Variants in PLA2G12B observed in about 807,000 individuals in gnomAD.
PLA2G12B encodes the protein phospholipase A2 group XIIB.
PLA2G12B carries 19 observed loss-of-function variants against 22.3 expected under a neutral mutation model. The ratio of observed to expected loss-of-function variants is 0.85; its 90% confidence interval spans 0.60 to 1.25. The LOEUF (loss-of-function observed/expected upper bound fraction) is 1.25, where lower values mean the gene tolerates loss of function less well. PLA2G12B is among the 50% of genes most tolerant of loss of function. The pLI is 0.00. For synonymous variants in PLA2G12B, 81 were observed against 94.9 expected (o/e 0.85, Z 0.85); for missense variants, 191 against 246.6 (o/e 0.77, Z 1.51).
At position 72,946,496 on chromosome 10, in the gene PLA2G12B, G is replaced by A. The variant is rs1380743774; in HGVS notation, c.212-3756C>T. ...GATTGCTGGGTCATATGGTAACCCT[G>A]TTGAACATTTTAAGGAATTGCCACA... On this transcript the variant is annotated intron_variant, in intron 1 of 3. Coordinates refer to ENST00000373032, the MANE Select transcript of PLA2G12B (RefSeq NM_032562.5). Among the ~76,000 whole-genome samples the A allele has an allele frequency of 3.9e-5, 6 of 152,196 alleles. No individual in the cohort carries two copies. The East Asian group carries it at 1.2e-3, about 29-fold the overall frequency.
intron 1 of PLA2G12B, among the ~76,000 whole-genome samples, chr10:72,950,598 A>G (rs969652998): frequency 2.6e-5 from 4 of 152,140 alleles, no homozygotes; most frequent in African/African-American, 9.7e-5. Context: ...CTCCTGCCTC[A>G]GCCTCCCAGG....
Position 72,941,285 on chromosome 10 carries a change from A to G in PLA2G12B, c.350T>C (p.Val117Ala), listed in dbSNP as rs1209168713. ...AMTKCCNQLD[V>A]CYDTCGANKY... ...GTTGGCACCGCAAGTGTCATAACAG[A>G]CATCCAGCTGGTTGCAGCACTTTGT... Residue 117 changes from valine (V) to alanine (A), a missense_variant, in exon 3 of 4, where the codon GTC becomes GCC. By Grantham distance (64) the Val-to-Ala change is moderately conservative. Transcript: ENST00000373032. 6.2e-7 allele frequency: 1 copy of G among 1,613,826 alleles called. No individual in the cohort carries two copies. The highest frequency in any genetic ancestry group is 1.3e-5 in the African/African-American group (1 of 74,920).
intron 3 of PLA2G12B, among the ~76,000 whole-genome samples, chr10:72,940,492 G>GA (rs60728071): frequency 0.21 from 29,340 of 141,416 alleles, 7,884 homozygotes; most frequent in African/African-American, 0.65. Flanking sequence ...GGGCAACATG[G>GA]GCAACCCCAT....
chr10:72,954,493 G>A lies in PLA2G12B; in HGVS notation c.193C>T (p.Gln65Ter). Residue 65 changes from glutamine to a stop codon, truncating the protein, a stop_gained, in exon 1 of 4, where the codon CAG (glutamine) becomes TAG (stop). Transcript: ENST00000373032. LOFTEE classifies it high-confidence loss of function. ...CACTCACCATATCGGCACCTGTACT[G>A]ACAGACTCCATTCTTCCCTCCCAGC... is the stretch of plus-strand genomic sequence containing the variant. ...ELLGGKNGVC[Q>*]YRCRYGKAPM... The A allele has an allele frequency of 6.2e-7, 1 of 1,614,190 alleles. No individual in the cohort carries two copies. The highest frequency in any genetic ancestry group is 8.5e-7 in the Non-Finnish European group (1 of 1,180,042).
rs533795721 is a variant in PLA2G12B at position 72,953,425 on chromosome 10, TTTTCTC to T, written c.211+1044_211+1049del. 4.9e-3 allele frequency among the ~76,000 whole-genome samples: 750 copies of T among 152,236 alleles called. 2 individuals are homozygous for T. The highest frequency in any genetic ancestry group is 8.1e-3 in the Non-Finnish European group (554 of 68,004). On this transcript the variant is annotated intron_variant, in intron 1 of 3. Transcript: ENST00000373032. ...TTTGTGCATCTCTTCAAAGCTGACTTTTTCTCTGTTGAGTATTTGGAGAAAATATTT... is the reference window on the plus strand; with the variant it reads ...TTTGTGCATCTCTTCAAAGCTGACTTTGTTGAGTATTTGGAGAAAATATTT...
Position 72,935,748 on chromosome 10 carries a change from G to A in PLA2G12B, c.467-10C>T. 6.2e-7 allele frequency: 1 copy of A among 1,613,142 alleles called. No homozygotes were observed. On this transcript the variant is annotated splice_polypyrimidine_tract_variant and intron_variant, in intron 3 of 3. Coordinates refer to ENST00000373032, the MANE Select transcript of PLA2G12B (RefSeq NM_032562.5). The stretch of plus-strand genomic sequence containing the variant: ...AGGGAATCACAGGCTGCTTGAAAAA[G>A]ATGAAGAGGGACAGAAAGGTTAACC...
At chr10:72,953,407 A>G (rs1005759258) in intron 1 of PLA2G12B, among the ~76,000 whole-genome samples, 31 of 152,192 alleles carry the variant, frequency 2.0e-4, no homozygotes, top group African/African-American at 7.2e-4. Context: ...TTTTTTGTGC[A>G]TCTCTTCAAA....
intron 1 of PLA2G12B, among the ~76,000 whole-genome samples, chr10:72,946,487 G>A (rs1846442702): frequency 2.0e-5 from 3 of 152,158 alleles, no homozygotes; most frequent in Admixed American, 1.3e-4. Flanking sequence ...TGGGTCATAT[G>A]GTAACCCTGT....
At chr10:72,942,871 C>A in intron 1 of PLA2G12B, 131 bp from the exon 2 acceptor site, 2 of 704,874 alleles carry the variant, frequency 2.8e-6, no homozygotes, top group Non-Finnish European at 2.3e-6. Flanking sequence ...TCCTCACATC[C>A]AAATCAGGTG....
At chr10:72,943,676 G>C (rs1405537320) in intron 1 of PLA2G12B, among the ~76,000 whole-genome samples, 1 of 152,186 alleles carries the variant, frequency 6.6e-6, no homozygotes, top group Non-Finnish European at 1.5e-5. Flanking sequence ...CACAGGTAAA[G>C]ATAACCTTGA....
At chr10:72,951,356 A>G (rs896137824) in intron 1 of PLA2G12B, among the ~76,000 whole-genome samples, 2 of 152,090 alleles carry the variant, frequency 1.3e-5, no homozygotes, top group Non-Finnish European at 2.9e-5. Flanking sequence ...AGGTCTCACC[A>G]CAGACCTACT....
intron 3 of PLA2G12B, among the ~76,000 whole-genome samples, chr10:72,938,085 G>C (rs932311300): frequency 6.7e-6 from 1 of 148,814 alleles, no homozygotes; most frequent in African/African-American, 2.5e-5. Context: ...CTTCACTCCA[G>C]CCTGGGTGTA....
chr10:72,943,855 C>T (rs1467783945), intron 1 of PLA2G12B, among the ~76,000 whole-genome samples: 1 of 152,212 alleles, frequency 6.6e-6, no homozygotes, highest in Non-Finnish European at 1.5e-5. Flanking sequence ...TGCTCCTTCA[C>T]CACATATCTG....
In PLA2G12B at chr10:72,954,696, G is replaced by GGT; in HGVS notation, c.-13_-12dup. On this transcript the variant is annotated 5_prime_UTR_variant, in exon 1 of 4. Coordinates refer to ENST00000373032, the MANE Select transcript of PLA2G12B (RefSeq NM_032562.5). ...ACTGGCCAGCTTCATCCTGCAGCCA[G>GGT]GTAGGTACTGGCTTCTCTCCTCAAA... The GGT allele has an allele frequency of 6.2e-7, 1 of 1,613,474 alleles. No homozygotes were observed. The highest frequency in any genetic ancestry group is 8.5e-7 in the Non-Finnish European group (1 of 1,179,914).
chr10:72,952,911 T>C (rs1010095878), intron 1 of PLA2G12B, among the ~76,000 whole-genome samples: 37 of 152,204 alleles, frequency 2.4e-4, no homozygotes, highest in Admixed American at 5.2e-4. Flanking sequence ...GAAGGAAGAA[T>C]AGGATTTGGT....
intron 1 of PLA2G12B, among the ~76,000 whole-genome samples, chr10:72,950,540 G>A (rs768811727): frequency 7.2e-5 from 11 of 152,148 alleles, no homozygotes; most frequent in Non-Finnish European, 1.2e-4. Context: ...GAGTGCAATG[G>A]CACGATCTCG....
intron 1 of PLA2G12B, among the ~76,000 whole-genome samples, chr10:72,945,639 GT>G (rs779463893): frequency 1.2e-4 from 18 of 148,040 alleles, no homozygotes; most frequent in Non-Finnish European, 2.4e-4. Flanking sequence ...AACTGTTGCA[GT>G]TGCCATTATG....
At chr10:72,943,416 G>A (rs893150734) in intron 1 of PLA2G12B, among the ~76,000 whole-genome samples, 1 of 152,112 alleles carries the variant, frequency 6.6e-6, no homozygotes, top group Non-Finnish European at 1.5e-5. Context: ...CAACTTGATC[G>A]TACACTTAAG....
intron 1 of PLA2G12B, among the ~76,000 whole-genome samples, chr10:72,944,539 T>C (rs1221727022): frequency 6.6e-6 from 1 of 152,186 alleles, no homozygotes; most frequent in Non-Finnish European, 1.5e-5. Context: ...ACAACTGCCT[T>C]TCTTAGGATA....
Sources: allele counts gnomAD v4.1 joint callset (sites outside exome capture counted in the v4.1 genomes callset), GRCh38; gene constraint gnomAD v4.1.1; transcripts MANE v1.5; gene names NCBI Gene and HGNC (gene_info 2026-07-23, HGNC 2026-07-21).